The following ECE1 variants were observed in gnomAD, a reference collection of about 807,000 sequenced individuals.
The protein encoded by ECE1 is endothelin converting enzyme 1.
A neutral mutation model predicts 98.6 loss-of-function variants in ECE1; 35 were observed. The observed-to-expected ratio is 0.35, with a 90% confidence interval of 0.27 to 0.47. The LOEUF is 0.47. ECE1 is among the 20% of genes least tolerant of loss of function. The pLI, the probability that ECE1 is intolerant of heterozygous loss-of-function variation, is 1.00. For synonymous variants in ECE1, 394 were observed against 407.1 expected, an observed-to-expected ratio of 0.97 and a Z score of 0.39; for missense variants, 814 against 1,025.3, an observed-to-expected ratio of 0.79 and a Z score of 2.81.
chr1:21,219,218 T>TG lies in ECE1; in HGVS notation c.*736dup, dbSNP rs2098164394. 1 of 152,582 alleles carries TG rather than the reference T, an allele frequency of 6.6e-6. No homozygotes were observed. The highest frequency in any genetic ancestry group is 6.5e-5 in the Admixed American group (1 of 15,296). The allele number at this position is 152,582 out of a possible 1,614,324, so 9.5% of individuals were successfully genotyped here. On this transcript the variant is annotated 3_prime_UTR_variant, in exon 19 of 19. Coordinates refer to ENST00000374893, the MANE Select transcript of ECE1 (RefSeq NM_001397.3). This position sits in a 1 kb window ranked among gnomAD's most constrained non-coding sequence, Gnocchi z 4.5. ...ACTTCCCAGCTAGGGCTCCCACTGTTGGACTCAGGGGACGGAGGCAGGCTA... is the reference window on the plus strand; with the variant it reads ...ACTTCCCAGCTAGGGCTCCCACTGTTGGGACTCAGGGGACGGAGGCAGGCTA...
intron 9 of ECE1, among the ~76,000 whole-genome samples, chr1:21,245,998 CT>C (rs2098202932): frequency 6.6e-6 from 1 of 152,070 alleles, no homozygotes; most frequent in South Asian, 2.1e-4. Flanking sequence ...GGTGAGGTGG[CT>C]CACACCTGTA....
At chr1:21,252,083 C>G (rs1235476973) in intron 8 of ECE1, among the ~76,000 whole-genome samples, 1 of 152,188 alleles carries the variant, frequency 6.6e-6, no homozygotes, top group Non-Finnish European at 1.5e-5. Context: ...AGTGTTTACA[C>G]AGTGGACGAG....
In ECE1 at chr1:21,217,330, T is replaced by C. The variant is rs1136804; in HGVS notation, c.*2625A>G. 0.026 allele frequency: 3,904 copies of C among 152,314 alleles called. 85 individuals are homozygous for C. Among genetic ancestry groups the C allele is most frequent in the Non-Finnish European group, 0.034 (2,326 of 68,060 alleles). 9.4% of individuals were successfully genotyped at this position (152,314 alleles called of 1,614,324 possible). Reference sequence around the variant, plus strand: ...CTCAAAACATAATACAAAAAATAGATTCCCAGCTCCCAACCCCACGTCCAC... The same window carrying C: ...CTCAAAACATAATACAAAAAATAGACTCCCAGCTCCCAACCCCACGTCCAC... On this transcript the variant is annotated 3_prime_UTR_variant, in exon 19 of 19. Coordinates refer to ENST00000374893, the MANE Select transcript of ECE1 (RefSeq NM_001397.3).
rs115431017 is a variant in ECE1 at position 21,239,731 on chromosome 1, G to A, written c.1279-1487C>T. Among the ~76,000 whole-genome samples, 663 of 152,136 alleles carry A rather than the reference G, an allele frequency of 4.4e-3. 3 individuals are homozygous for A. Among genetic ancestry groups the A allele is most frequent in the African/African-American group, 0.015 (634 of 41,512 alleles). ...GCTGCTCAGAGGGCGCTGGACAAAT[G>A]GATGATGGGAATGTTCTCTATCTTT... is the stretch of plus-strand genomic sequence containing the variant. On this transcript the variant is annotated intron_variant, in intron 10 of 18. Transcript: ENST00000374893.
chr1:21,321,576 C>T (rs1306754554), intron 1 of ECE1, among the ~76,000 whole-genome samples: 1 of 152,006 alleles, frequency 6.6e-6, no homozygotes, highest in Admixed American at 6.6e-5. Context: ...CACTTATTAT[C>T]TTTCTCCATT....
chr1:21,238,489 C>CCCCT, intron 10 of ECE1: 1 of 576,794 alleles, frequency 1.7e-6, no homozygotes, highest in Non-Finnish European at 3.1e-6. Flanking sequence ...TCCCGTTGAG[C>CCCCT]CATTCAATGA....
At chr1:21,274,770 G>A (rs1233164210) in intron 3 of ECE1, among the ~76,000 whole-genome samples, 1 of 152,136 alleles carries the variant, frequency 6.6e-6, no homozygotes, top group African/African-American at 2.4e-5. Flanking sequence ...AAATCAGGGT[G>A]ATCTGACTTT....
At chr1:21,234,427 C>G (rs953561498) in intron 13 of ECE1, among the ~76,000 whole-genome samples, 1 of 150,278 alleles carries the variant, frequency 6.7e-6, no homozygotes, top group African/African-American at 2.5e-5. Flanking sequence ...TCTATCTGAA[C>G]TGTCAAGGGC....
chr1:21,220,083 T>C lies in ECE1; in HGVS notation c.2185A>G (p.Thr729Ala). 1 of 1,614,004 alleles carries C rather than the reference T, an allele frequency of 6.2e-7. No individual in the cohort carries two copies. The highest frequency in any genetic ancestry group is 8.5e-7 in the Non-Finnish European group (1 of 1,179,974). The change falls in exon 19 of 19, where the codon ACC (threonine) becomes GCC (alanine). Residue 729 changes from threonine to alanine, a missense_variant. Transcript: ENST00000374893. This position sits in a 1 kb window ranked among gnomAD's most constrained non-coding sequence, Gnocchi z 5.0. ...TPESSHEGLI[T>A]DPHSPSRFRV... ...AAGCGAGAGGGGCTGTGGGGATCGG[T>C]GATGAGGCCTTCGTGGGAGCTCTCA...
intron 1 of ECE1, among the ~76,000 whole-genome samples, chr1:21,326,115 T>G (rs1391159003): frequency 1.3e-5 from 2 of 152,058 alleles, no homozygotes; most frequent in African/African-American, 2.4e-5. Flanking sequence ...CTGCCTCCTC[T>G]CAGCCCCCAT....
chr1:21,220,033 AT>A lies in ECE1; in HGVS notation c.2234del (p.Asn745IlefsTer17), dbSNP rs1326819091. 1.2e-6 allele frequency: 2 copies of A among 1,614,180 alleles called. No homozygotes were observed. The highest frequency in any genetic ancestry group is 8.5e-7 in the Non-Finnish European group (1 of 1,180,036). The stretch of plus-strand genomic sequence containing the variant: ...GGAAGTGTTCTGAGAACTCCTTGGA[AT>A]TGGAGAGGGAGCCGATGACCCGGAA... ...SRFRVIGSLS[N>X]SKEFSEHFRC... On this transcript the variant is annotated frameshift_variant, in exon 19 of 19. Transcript: ENST00000374893. LOFTEE classifies it high-confidence loss of function. The surrounding 1 kb of genome is among the most constrained non-coding windows in gnomAD (Gnocchi z 5.0).
chr1:21,221,031 G>C (rs915562896), intron 18 of ECE1, among the ~76,000 whole-genome samples: 2 of 152,196 alleles, frequency 1.3e-5, no homozygotes, highest in African/African-American at 4.8e-5. Flanking sequence ...TCTGAACAAA[G>C]GACTGTGTCC....
intron 1 of ECE1, among the ~76,000 whole-genome samples, chr1:21,296,005 G>C (rs1175187834): frequency 6.6e-6 from 1 of 152,070 alleles, no homozygotes; most frequent in Non-Finnish European, 1.5e-5. Context: ...GGGACATCCT[G>C]CGCAGGCCAC....
chr1:21,236,371 C>T (rs1472634141), intron 12 of ECE1, among the ~76,000 whole-genome samples: 4 of 152,268 alleles, frequency 2.6e-5, no homozygotes, highest in Non-Finnish European at 5.9e-5. Context: ...CTGGCCTCAC[C>T]GGGCGCGGTG....
Position 21,290,148 on chromosome 1 carries a change from C to A in ECE1, c.60G>T (p.Thr20=), listed in dbSNP as rs753212967. The change falls in exon 2 of 19, where the codon ACG becomes ACT. Residue 20 remains threonine (T), a synonymous_variant. Coordinates refer to ENST00000374893, the MANE Select transcript of ECE1 (RefSeq NM_001397.3). The surrounding 1 kb of genome is among the most constrained non-coding windows in gnomAD (Gnocchi z 7.3). The stretch of plus-strand genomic sequence containing the variant: ...CCTCGTCCAGCGTGGCCCGCTTGTA[C>A]GTCGACATCTGCAAGGCCAAATGCA... ...SALLSALGMS[T]YKRATLDEED... is the part of the protein sequence containing the mutation. 2 of 1,565,604 alleles carry A rather than the reference C, an allele frequency of 1.3e-6. No individual in the cohort carries two copies. Among genetic ancestry groups the A allele is most frequent in the Admixed American group, 3.6e-5 (2 of 55,054 alleles).
At chr1:21,231,069 C>A (rs1301636128) in intron 14 of ECE1, among the ~76,000 whole-genome samples, 1 of 152,116 alleles carries the variant, frequency 6.6e-6, no homozygotes, top group Non-Finnish European at 1.5e-5. Context: ...CTCAGGTGAT[C>A]CACCCGCCTT....
At chr1:21,249,631 G>A (rs779444793) in intron 8 of ECE1, among the ~76,000 whole-genome samples, 1 of 152,070 alleles carries the variant, frequency 6.6e-6, no homozygotes, top group Non-Finnish European at 1.5e-5. Context: ...GCAGTGAGCT[G>A]AAATCACACC....
In ECE1 at chr1:21,307,375, G is replaced by A. The variant is rs1406882449; in HGVS notation, c.4-17219C>T. On this transcript the variant is annotated intron_variant, in intron 1 of 18. Transcript: ENST00000415912. The surrounding 1 kb of genome is among the most constrained non-coding windows in gnomAD (Gnocchi z 4.2). Reference sequence around the variant, plus strand: ...TGTTGAGCGAGTCATGTCACCTCTCGGAGCCTCAATTTCCTCCCTCTGCAT... The same window carrying A: ...TGTTGAGCGAGTCATGTCACCTCTCAGAGCCTCAATTTCCTCCCTCTGCAT... 6.6e-6 allele frequency among the ~76,000 whole-genome samples: 1 copy of A among 152,098 alleles called. No homozygotes were observed. The highest frequency in any genetic ancestry group is 1.5e-5 in the Non-Finnish European group (1 of 68,020).
In ECE1 at chr1:21,235,691, T is replaced by C. The variant is rs1240102853; in HGVS notation, c.1566+159A>G. On this transcript the variant is annotated intron_variant, in intron 13 of 18. Coordinates refer to ENST00000374893, the MANE Select transcript of ECE1 (RefSeq NM_001397.3). This position sits in a 1 kb window ranked among gnomAD's most constrained non-coding sequence, Gnocchi z 4.2. ...AGCCAAATTAAGAAGAAGAAGAGGC[T>C]TCCTCATGCCTGACCCATACCCAAG... Among the ~76,000 whole-genome samples, 4 of 152,138 alleles carry C rather than the reference T, an allele frequency of 2.6e-5. No homozygotes were observed. Among genetic ancestry groups the C allele is most frequent in the Admixed American group, 2.6e-4 (4 of 15,272 alleles).
Sources: allele counts gnomAD v4.1 joint callset (sites outside exome capture counted in the v4.1 genomes callset), GRCh38; gene constraint gnomAD v4.1.1; non-coding constraint Gnocchi (gnomAD v3.1); transcripts MANE v1.5; gene names NCBI Gene and HGNC (gene_info 2026-07-23, HGNC 2026-07-21).